TTC21B: variants seen among roughly 807,000 people sequenced by gnomAD.
The protein encoded by TTC21B is tetratricopeptide repeat protein 21B.
A neutral mutation model predicts 175.1 loss-of-function variants in TTC21B; 127 were observed. The observed-to-expected ratio is 0.73, with a 90% confidence interval of 0.63 to 0.84. The LOEUF is 0.84. TTC21B is among the 40% of genes least tolerant of loss of function. The pLI is 0.00. For synonymous variants in TTC21B, 524 were observed against 524.5 expected (o/e 1.00, Z 0.01); for missense variants, 1,561 against 1,558.3 (o/e 1.00, Z -0.03).
intron 19 of TTC21B, 130 bp downstream of exon 19, chr2:165,907,548 A>C: frequency 1.5e-6 from 1 of 683,582 alleles, no homozygotes; most frequent in South Asian, 1.6e-5. Context: ...GCATTCAATA[A>C]GTATTTTGAT....
chr2:165,894,640 T>A (rs1685302403), intron 22 of TTC21B, among the ~76,000 whole-genome samples: 1 of 152,134 alleles, frequency 6.6e-6, no homozygotes. Context: ...AGTGGTGTGA[T>A]CTTGGCTCAC....
chr2:165,918,585 A>G (rs978273703), intron 13 of TTC21B, among the ~76,000 whole-genome samples: 1 of 152,028 alleles, frequency 6.6e-6, no homozygotes, highest in Non-Finnish European at 1.5e-5. Flanking sequence ...GTGAGCCACC[A>G]CGCCCGGCCT....
intron 6 of TTC21B, among the ~76,000 whole-genome samples, chr2:165,937,530 T>C (rs1017137533): frequency 1.3e-5 from 2 of 152,068 alleles, no homozygotes; most frequent in African/African-American, 2.4e-5. Flanking sequence ...TATCTATGTG[T>C]GGAGGCAAGG....
At chr2:165,878,840 C>A (rs1574059376) in intron 27 of TTC21B, among the ~76,000 whole-genome samples, 2 of 151,992 alleles carry the variant, frequency 1.3e-5, no homozygotes, top group Non-Finnish European at 1.5e-5. Context: ...CGCCACCATG[C>A]CCGGCTAATT....
In TTC21B at chr2:165,948,633, ACTT is replaced by A. The variant is rs1414103605; in HGVS notation, c.262+758_262+760del. 6 of 152,346 alleles carry A rather than the reference ACTT, an allele frequency of 3.9e-5. No individual in the cohort carries two copies. In the South Asian group the frequency reaches 1.0e-3, roughly 26 times the overall value. The allele number at this position is 152,346 out of a possible 1,614,324, so 9.4% of individuals were successfully genotyped here. On this transcript the variant is annotated intron_variant, in intron 3 of 28. Coordinates refer to ENST00000243344, the MANE Select transcript of TTC21B (RefSeq NM_024753.5). ...TATATTTATGGAAGAATATAACACT[ACTT>A]CTTCTTTATTACATACAATTTGGAT...
intron 1 of TTC21B, among the ~76,000 whole-genome samples, chr2:165,951,172 C>G (rs568969279): frequency 6.6e-6 from 1 of 152,326 alleles, no homozygotes; most frequent in African/African-American, 2.4e-5. Flanking sequence ...TTTGCCACAA[C>G]TAAGGACACG....
intron 1 of TTC21B, among the ~76,000 whole-genome samples, chr2:165,951,213 T>C (rs1454316536): frequency 6.6e-6 from 1 of 152,188 alleles, no homozygotes; most frequent in Non-Finnish European, 1.5e-5. Context: ...CTGCACACTA[T>C]CACTAAGCAT....
intron 6 of TTC21B, among the ~76,000 whole-genome samples, chr2:165,935,224 A>G (rs1687085807): frequency 6.6e-6 from 1 of 152,190 alleles, no homozygotes; most frequent in African/African-American, 2.4e-5. Context: ...ACATTCTTCT[A>G]TTACACTGAA....
intron 6 of TTC21B, among the ~76,000 whole-genome samples, chr2:165,934,434 G>A (rs1559069562): frequency 6.7e-6 from 1 of 149,196 alleles, no homozygotes; most frequent in African/African-American, 2.5e-5. Context: ...CCCGGGAGGC[G>A]GAGGTTGCAG....
chr2:165,945,756 T>C, intron 3 of TTC21B, 66 bp from the exon 4 acceptor site: 1 of 1,538,800 alleles, frequency 6.5e-7, no homozygotes, highest in Non-Finnish European at 8.8e-7. Context: ...ATAGGTCAGA[T>C]AATTAACAAG....
intron 27 of TTC21B, among the ~76,000 whole-genome samples, chr2:165,876,865 T>C (rs1684679488): frequency 6.6e-6 from 1 of 151,990 alleles, no homozygotes; most frequent in African/African-American, 2.4e-5. Flanking sequence ...ACTGCATGGA[T>C]TAAGGCCAGT....
In TTC21B at chr2:165,912,595, T is replaced by C; in HGVS notation, c.2241A>G (p.Gln747=). ...CATCTTTCGGGTTCTGATTTAATGCTTGCTCATATGCTACTATGGCTTCTT... is the reference window on the plus strand; with the variant it reads ...CATCTTTCGGGTTCTGATTTAATGCCTGCTCATATGCTACTATGGCTTCTT... ...EPEEAIVAYE[Q]ALNQNPKDGT... Residue 747 remains glutamine (Q), a synonymous_variant, in exon 17 of 29, where the codon CAA becomes CAG. Transcript: ENST00000243344. The C allele has an allele frequency of 1.9e-6, 3 of 1,614,166 alleles. No individual in the cohort carries two copies. The highest frequency in any genetic ancestry group is 1.7e-6 in the Non-Finnish European group (2 of 1,180,000).
intron 1 of TTC21B, 46 bp downstream of exon 1, chr2:165,953,639 C>A (rs1037926058): frequency 1.5e-6 from 2 of 1,299,588 alleles, no homozygotes; most frequent in Non-Finnish European, 2.0e-6. Context: ...CGCAAAGGAA[C>A]TCCGCCCGCC....
At chr2:165,900,906 T>A (rs1428659799) in intron 20 of TTC21B, among the ~76,000 whole-genome samples, 1 of 146,628 alleles carries the variant, frequency 6.8e-6, no homozygotes, top group Admixed American at 6.8e-5. Flanking sequence ...TTTCTTTTCT[T>A]TTTTTTTTTT....
chr2:165,930,841 T>TG, intron 8 of TTC21B, among the ~76,000 whole-genome samples: 1 of 151,440 alleles, frequency 6.6e-6, no homozygotes, highest in Admixed American at 6.6e-5. Context: ...ACACTAGCTA[T>TG]GCCATCAGTG....
At chr2:165,914,010 C>G (rs1349482877) in intron 15 of TTC21B, among the ~76,000 whole-genome samples, 1 of 152,180 alleles carries the variant, frequency 6.6e-6, no homozygotes, top group South Asian at 2.1e-4. Context: ...TTTTACTGTC[C>G]TCCTATGCAT....
At chr2:165,928,369 TA>T (rs750507706) in intron 11 of TTC21B, among the ~76,000 whole-genome samples, 26 of 152,136 alleles carry the variant, frequency 1.7e-4, no homozygotes, top group Non-Finnish European at 3.1e-4. Flanking sequence ...GTCATTAATG[TA>T]ATGTGATTTA....
intron 27 of TTC21B, among the ~76,000 whole-genome samples, chr2:165,877,900 T>C (rs1056980735): frequency 6.6e-5 from 10 of 151,706 alleles, no homozygotes; most frequent in African/African-American, 2.2e-4. Flanking sequence ...ACTAAAAGGG[T>C]TTGTGACATT....
intron 27 of TTC21B, chr2:165,880,068 T>C (rs1252331801): frequency 6.5e-6 from 1 of 153,720 alleles, no homozygotes; most frequent in Non-Finnish European, 1.4e-5. Context: ...TACACAAACA[T>C]GAGGATGAGC....
Sources: allele counts gnomAD v4.1 joint callset (sites outside exome capture counted in the v4.1 genomes callset), GRCh38; gene constraint gnomAD v4.1.1; transcripts MANE v1.5; gene names NCBI Gene and HGNC (gene_info 2026-07-23, HGNC 2026-07-21).